RCBTB1: variants seen among roughly 807,000 people sequenced by gnomAD.
RCBTB1 encodes the protein RCC1 and BTB domain-containing protein 1.
In RCBTB1, 46 loss-of-function variants were observed where a neutral mutation model predicts 62.4. That is an observed-to-expected ratio of 0.74 (90% CI 0.58 to 0.94). The LOEUF is 0.94. Among genes scored for constraint, RCBTB1 ranks in the 40% least tolerant of loss-of-function variants. RCBTB1 has a pLI of 0.00. For synonymous variants in RCBTB1, 222 were observed against 245.8 expected (o/e 0.90, Z 0.91); for missense variants, 565 against 654.9 (o/e 0.86, Z 1.50).
intron 5 of RCBTB1, among the ~76,000 whole-genome samples, chr13:49,557,525 A>G (rs1231595429): frequency 6.6e-6 from 1 of 152,196 alleles, no homozygotes; most frequent in African/African-American, 2.4e-5. Flanking sequence ...GAAAAATAAA[A>G]TAGACCTTAA....
intron 12 of RCBTB1, among the ~76,000 whole-genome samples, chr13:49,534,891 G>A (rs1959820282): frequency 6.6e-6 from 1 of 152,058 alleles, no homozygotes; most frequent in Non-Finnish European, 1.5e-5. Flanking sequence ...AAAATTAGCC[G>A]GGCGTGGTGG....
intron 7 of RCBTB1, 71 bp downstream of exon 7, chr13:49,552,107 T>A: frequency 1.0e-6 from 1 of 957,030 alleles, no homozygotes; most frequent in East Asian, 2.6e-5. Context: ...AGAGTAAACC[T>A]CCAATATTTC....
chr13:49,544,469 CAAAG>C (rs1301977390), intron 10 of RCBTB1, among the ~76,000 whole-genome samples: 4 of 56,440 alleles, frequency 7.1e-5, no homozygotes, highest in African/African-American at 3.0e-4. Flanking sequence ...AACTCTGTCT[CAAAG>C]AAACAAACAA....
intron 3 of RCBTB1, among the ~76,000 whole-genome samples, 187 bp downstream of exon 3, chr13:49,566,967 G>A (rs192235993): frequency 6.6e-6 from 1 of 152,202 alleles, no homozygotes; most frequent in African/African-American, 2.4e-5. Context: ...GAAACTCAGA[G>A]TGCTATGGAG....
At chr13:49,571,243 G>A (rs1963376908) in intron 2 of RCBTB1, among the ~76,000 whole-genome samples, 1 of 152,102 alleles carries the variant, frequency 6.6e-6, no homozygotes, top group East Asian at 1.9e-4. Flanking sequence ...CTACTCAAGA[G>A]GCTGAGGCAG....
At chr13:49,564,237 G>T (rs779228335) in intron 4 of RCBTB1, among the ~76,000 whole-genome samples, 1 of 152,114 alleles carries the variant, frequency 6.6e-6, no homozygotes, top group Admixed American at 6.6e-5. Flanking sequence ...AAGATTTCCC[G>T]ATTCAAGATG....
At chr13:49,540,332 C>T (rs1372320130) in intron 12 of RCBTB1, among the ~76,000 whole-genome samples, 1 of 152,208 alleles carries the variant, frequency 6.6e-6, no homozygotes, top group African/African-American at 2.4e-5. Context: ...CATTAATTCA[C>T]AGGCTCAACA....
chr13:49,551,169 A>AGGAAGGG, intron 8 of RCBTB1, 157 bp downstream of exon 8: 1 of 681,694 alleles, frequency 1.5e-6, no homozygotes, highest in South Asian at 2.2e-5. Context: ...AGGGAGAAGG[A>AGGAAGGG]GGAAGGGGGA....
chr13:49,561,026 A>G (rs1320798155), intron 4 of RCBTB1, among the ~76,000 whole-genome samples: 1 of 152,144 alleles, frequency 6.6e-6, no homozygotes, highest in African/African-American at 2.4e-5. Flanking sequence ...CTTTTCTGAG[A>G]TTCTGATGAA....
At chr13:49,538,942 G>A (rs1473248851) in intron 12 of RCBTB1, among the ~76,000 whole-genome samples, 1 of 149,278 alleles carries the variant, frequency 6.7e-6, no homozygotes, top group Non-Finnish European at 1.5e-5. Flanking sequence ...CTGGAGTGCA[G>A]TGGTACAACT....
intron 4 of RCBTB1, among the ~76,000 whole-genome samples, chr13:49,560,394 G>A (rs1056935323): frequency 3.9e-5 from 6 of 152,300 alleles, no homozygotes; most frequent in African/African-American, 1.4e-4. Context: ...AATAGTTTCT[G>A]TGTCAGATGC....
Position 49,575,862 on chromosome 13 carries a change from A to G in RCBTB1, c.-42+4643T>C, listed in dbSNP as rs138869400. Among the ~76,000 whole-genome samples, 60 of 152,166 alleles carry G rather than the reference A, an allele frequency of 3.9e-4. No individual in the cohort carries two copies. In the East Asian group the frequency reaches 7.1e-3, roughly 18 times the overall value. ...ATCACACGCTATACCCATGTAACAAACCTGCATATGTACTCCCTGAATCTA... is the reference window on the plus strand; with the variant it reads ...ATCACACGCTATACCCATGTAACAAGCCTGCATATGTACTCCCTGAATCTA... On this transcript the variant is annotated intron_variant, in intron 2 of 12. Coordinates refer to ENST00000378302, the MANE Select transcript of RCBTB1 (RefSeq NM_018191.4).
At chr13:49,553,506 T>C (rs984751125) in intron 6 of RCBTB1, among the ~76,000 whole-genome samples, 3 of 151,286 alleles carry the variant, frequency 2.0e-5, no homozygotes, top group Non-Finnish European at 4.4e-5. Flanking sequence ...GGATATAGAG[T>C]GAGAGGAGGC....
intron 2 of RCBTB1, among the ~76,000 whole-genome samples, chr13:49,573,254 A>G (rs908674050): frequency 5.9e-5 from 9 of 152,154 alleles, no homozygotes; most frequent in Non-Finnish European, 1.3e-4. Context: ...TATACACCAA[A>G]ATATATCTCC....
intron 2 of RCBTB1, among the ~76,000 whole-genome samples, chr13:49,569,357 TG>T (rs749564661): frequency 4.6e-5 from 7 of 152,124 alleles, no homozygotes; most frequent in Non-Finnish European, 7.4e-5. Flanking sequence ...AAGGACTGCT[TG>T]AGCCCAGCAG....
At position 49,541,717 on chromosome 13, in the gene RCBTB1, A is replaced by C; in HGVS notation, c.1283T>G (p.Leu428Arg). ...CGGCAGGTCGACTGTGTCTGTGTAG[A>C]GGTACTGGAGAAAGGCACGATACAC... is the stretch of plus-strand genomic sequence containing the variant. ...YPVYRAFLQY[L>R]YTDTVDLPPE... Residue 428 changes from leucine to arginine, a missense_variant, in exon 11 of 13, where the codon CTC becomes CGC. Transcript: ENST00000378302. 6.2e-7 allele frequency: 1 copy of C among 1,614,006 alleles called. No individual in the cohort carries two copies. Among genetic ancestry groups the C allele is most frequent in the Non-Finnish European group, 8.5e-7 (1 of 1,179,984 alleles).
chr13:49,540,779 A>C (rs1960281741), intron 12 of RCBTB1, 97 bp downstream of exon 12: 1 of 1,309,450 alleles, frequency 7.6e-7, no homozygotes, highest in Admixed American at 2.2e-5. Flanking sequence ...ACAGAAGTGG[A>C]GTGACTCATC....
At chr13:49,551,217 G>A (rs1961309766) in intron 8 of RCBTB1, 109 bp downstream of exon 8, 16 of 1,296,492 alleles carry the variant, frequency 1.2e-5, no homozygotes, top group Non-Finnish European at 1.7e-5. Flanking sequence ...TCCAAAATGA[G>A]AATGTTAATA....
At chr13:49,547,500 G>T (rs1960902895) in intron 9 of RCBTB1, among the ~76,000 whole-genome samples, 1 of 152,104 alleles carries the variant, frequency 6.6e-6, no homozygotes, top group African/African-American at 2.4e-5. Flanking sequence ...AAATATGCTA[G>T]CAAAAAGGCA....
Sources: allele counts gnomAD v4.1 joint callset (sites outside exome capture counted in the v4.1 genomes callset), GRCh38; gene constraint gnomAD v4.1.1; transcripts MANE v1.5; gene names NCBI Gene and HGNC (gene_info 2026-07-23, HGNC 2026-07-21).